Variants in STARD13 observed in about 807,000 individuals in gnomAD.
The protein encoded by STARD13 is StAR related lipid transfer domain containing 13.
In STARD13, 62 loss-of-function variants were observed where a neutral mutation model predicts 106.4. The ratio of observed to expected loss-of-function variants is 0.58; its 90% confidence interval spans 0.48 to 0.72. The LOEUF (loss-of-function observed/expected upper bound fraction) is 0.72. STARD13 is among the 30% of genes least tolerant of loss of function. The probability of loss-of-function intolerance (pLI) is 0.00; values close to 1 mark genes in which losing one functional copy is unlikely to be tolerated. For missense variants in STARD13, 1,387 were observed against 1,424.0 expected, an observed-to-expected ratio of 0.97 and a Z score of 0.42; for synonymous variants, 565 against 553.0, an observed-to-expected ratio of 1.02 and a Z score of -0.31.
At chr13:33,257,918 A>G (rs1890447321) in intron 1 of STARD13, among the ~76,000 whole-genome samples, 2 of 152,260 alleles carry the variant, frequency 1.3e-5, no homozygotes, top group South Asian at 4.1e-4. Flanking sequence ...AGACTCATAA[A>G]TGGAGATTAT....
the STARD13 span, among the ~76,000 whole-genome samples, chr13:33,463,936 A>G: frequency 1.3e-5 from 2 of 151,620 alleles, no homozygotes. Context: ...GCTTGAACCC[A>G]GGAGGCAGAG....
At chr13:33,452,258 C>T in the STARD13 span, among the ~76,000 whole-genome samples, 6 of 150,512 alleles carry the variant, frequency 4.0e-5, no homozygotes, top group Non-Finnish European at 8.9e-5. Context: ...CCAATAGTTG[C>T]GGGGCACACA....
At chr13:33,373,890 A>C in the STARD13 span, among the ~76,000 whole-genome samples, 1 of 152,212 alleles carries the variant, frequency 6.6e-6, no homozygotes, top group African/African-American at 2.4e-5. Context: ...AGGTTGCTCA[A>C]ATAATTAAAA....
intron 1 of STARD13, among the ~76,000 whole-genome samples, chr13:33,195,267 G>C (rs745627609): frequency 1.3e-5 from 2 of 152,180 alleles, no homozygotes; most frequent in Non-Finnish European, 2.9e-5. Flanking sequence ...CCACAGGAAG[G>C]AACACTATTT....
At chr13:33,206,604 T>C (rs1281319046) in intron 1 of STARD13, among the ~76,000 whole-genome samples, 1 of 152,186 alleles carries the variant, frequency 6.6e-6, no homozygotes, top group Non-Finnish European at 1.5e-5. Context: ...CCAATGAACT[T>C]GGTGAATCAG....
At chr13:33,142,186 C>T in intron 4 of STARD13, 124 bp downstream of exon 4, 1 of 759,526 alleles carries the variant, frequency 1.3e-6, no homozygotes, top group Non-Finnish European at 2.2e-6. Context: ...AGCCACTGTG[C>T]CCAGCTAATT....
chr13:33,585,173 CTTGTG>C, the STARD13 span, among the ~76,000 whole-genome samples: 1 of 152,158 alleles, frequency 6.6e-6, no homozygotes. Flanking sequence ...TTGCGCACTG[CTTGTG>C]GGAGTGTAAA....
chr13:33,192,258 GC>G (rs1566064011), intron 1 of STARD13, among the ~76,000 whole-genome samples: 1 of 152,190 alleles, frequency 6.6e-6, no homozygotes, highest in Admixed American at 6.5e-5. Flanking sequence ...CTACTTAGAA[GC>G]TAAAACAGTA....
At chr13:33,608,750 A>C in the STARD13 span, among the ~76,000 whole-genome samples, 5,138 of 152,264 alleles carry the variant, frequency 0.034, 284 homozygotes, top group African/African-American at 0.12. Flanking sequence ...AAAGTCTTAG[A>C]GTGAAGCATG....
chr13:33,258,860 T>G (rs1890498252), intron 1 of STARD13, among the ~76,000 whole-genome samples: 1 of 152,242 alleles, frequency 6.6e-6, no homozygotes, highest in Admixed American at 6.5e-5. Context: ...TCACTGTGCT[T>G]GACTACAGCA....
At chr13:33,528,257 C>CATATATATATATGTATATATATAT in the STARD13 span, among the ~76,000 whole-genome samples, 1 of 92,930 alleles carries the variant, frequency 1.1e-5, no homozygotes, top group African/African-American at 6.5e-5. Context: ...TATATATATA[C>CATATATATATATGTATATATATAT]ATATATATAT....
At chr13:33,186,102 C>A (rs1221004379) in intron 1 of STARD13, 1 of 1,547,580 alleles carries the variant, frequency 6.5e-7, no homozygotes, top group East Asian at 2.3e-5. Flanking sequence ...GGAGAGGAAC[C>A]TCACTGCTCC....
At chr13:33,231,536 G>A (rs1888921566) in intron 1 of STARD13, among the ~76,000 whole-genome samples, 1 of 152,154 alleles carries the variant, frequency 6.6e-6, no homozygotes, top group African/African-American at 2.4e-5. Flanking sequence ...GGGCAGATTT[G>A]GGGGAGTTGT....
chr13:33,527,969 G>A, the STARD13 span, among the ~76,000 whole-genome samples: 1 of 150,932 alleles, frequency 6.6e-6, no homozygotes, highest in East Asian at 1.9e-4. Context: ...TGTAACACTA[G>A]TTTTTGGTCC....
rs187219494 is a variant in STARD13, at chr13:33,153,218, C to T, written c.324-10845G>A. Among the ~76,000 whole-genome samples, 37 of 152,288 alleles carry T rather than the reference C, an allele frequency of 2.4e-4. No individual in the cohort carries two copies. In the East Asian group the frequency reaches 6.4e-3, roughly 26 times the overall value. On this transcript the variant is annotated intron_variant, in intron 3 of 13. Transcript: ENST00000336934. ...TGCTCAGTACAAGGCCATGTGACAC[C>T]AAGCACCCACGATATACCACTGACT...
the STARD13 span, among the ~76,000 whole-genome samples, chr13:33,668,518 AAG>A: frequency 1.3e-5 from 2 of 152,142 alleles, no homozygotes; most frequent in East Asian, 3.8e-4. Flanking sequence ...CCAAGAAAAG[AAG>A]AGTTTCTGCC....
the STARD13 span, among the ~76,000 whole-genome samples, chr13:33,580,201 T>A: frequency 1.3e-5 from 2 of 152,136 alleles, no homozygotes; most frequent in East Asian, 3.9e-4. Flanking sequence ...TATGGTAAAT[T>A]CACACAATGG....
chr13:33,619,447 T>C, the STARD13 span, among the ~76,000 whole-genome samples: 1 of 152,204 alleles, frequency 6.6e-6, no homozygotes, highest in African/African-American at 2.4e-5. Flanking sequence ...TTGTCCTAGC[T>C]TCTTAAGTAA....
chr13:33,524,318 A>G, the STARD13 span: 1 of 1,248,226 alleles, frequency 8.0e-7, no homozygotes, highest in Non-Finnish European at 1.0e-6. Flanking sequence ...TTAGTTCTAC[A>G]AATTCCTTTC....
Sources: allele counts gnomAD v4.1 joint callset (sites outside exome capture counted in the v4.1 genomes callset), GRCh38; gene constraint gnomAD v4.1.1; transcripts MANE v1.5; gene names NCBI Gene and HGNC (gene_info 2026-07-23, HGNC 2026-07-21).